Variants in NDUFAF5 observed in about 807,000 individuals in gnomAD.
The protein encoded by NDUFAF5 is NADH:ubiquinone oxidoreductase complex assembly factor 5, also known as arginine-hydroxylase NDUFAF5, mitochondrial.
A neutral mutation model predicts 48.9 loss-of-function variants in NDUFAF5; 34 were observed. The ratio of observed to expected loss-of-function variants is 0.70; its 90% CI spans 0.53 to 0.93. The LOEUF is 0.93. Ranked by LOEUF, NDUFAF5 falls within the 40% of genes least tolerant of loss-of-function variation. NDUFAF5 has a pLI of 0.00. For synonymous variants in NDUFAF5, 153 were observed against 150.6 expected (o/e 1.02, Z -0.12); for missense variants, 428 against 427.5 (o/e 1.00, Z -0.01).
At chr20:13,807,903 C>A (rs1001061586) in intron 7 of NDUFAF5, among the ~76,000 whole-genome samples, 1 of 151,644 alleles carries the variant, frequency 6.6e-6, no homozygotes, top group African/African-American at 2.4e-5. Context: ...GAGCAGAGAT[C>A]ACACCACTGC....
chr20:13,790,059 A>G (rs1456391558), intron 3 of NDUFAF5, among the ~76,000 whole-genome samples: 2 of 152,176 alleles, frequency 1.3e-5, no homozygotes, highest in Admixed American at 6.6e-5. Context: ...GCAGGAGGAA[A>G]GGCACAGAGG....
intron 6 of NDUFAF5, among the ~76,000 whole-genome samples, chr20:13,800,018 T>G (rs182680465): frequency 6.6e-6 from 1 of 152,250 alleles, no homozygotes; most frequent in East Asian, 1.9e-4. Context: ...GGAATTGATT[T>G]GATAAATAGA....
intron 3 of NDUFAF5, among the ~76,000 whole-genome samples, chr20:13,789,236 C>T (rs966942151): frequency 6.6e-6 from 1 of 152,018 alleles, no homozygotes; most frequent in African/African-American, 2.4e-5. Flanking sequence ...ACGATCTCGG[C>T]TCACTGCAAC....
intron 1 of NDUFAF5, among the ~76,000 whole-genome samples, chr20:13,786,597 C>G (rs1322485369): frequency 6.6e-6 from 1 of 152,170 alleles, no homozygotes; most frequent in Non-Finnish European, 1.5e-5. Flanking sequence ...TTGCCCTTCT[C>G]TCAAAAAGCA....
intron 4 of NDUFAF5, among the ~76,000 whole-genome samples, chr20:13,793,572 ATCT>A (rs1982691332): frequency 6.6e-6 from 1 of 152,112 alleles, no homozygotes; most frequent in African/African-American, 2.4e-5. Flanking sequence ...GTCATATATC[ATCT>A]TTTTAAATGG....
intron 7 of NDUFAF5, among the ~76,000 whole-genome samples, chr20:13,808,580 C>T (rs1450983992): frequency 6.6e-6 from 1 of 152,094 alleles, no homozygotes; most frequent in Non-Finnish European, 1.5e-5. Flanking sequence ...ACAGAATACT[C>T]TTATTCTGTG....
At chr20:13,799,048 G>A (rs1983702887) in intron 6 of NDUFAF5, among the ~76,000 whole-genome samples, 1 of 152,144 alleles carries the variant, frequency 6.6e-6, no homozygotes, top group African/African-American at 2.4e-5. Context: ...TTTGGATTGG[G>A]AAGGCATTCT....
intron 7 of NDUFAF5, among the ~76,000 whole-genome samples, chr20:13,804,006 G>A (rs1002941753): frequency 5.3e-5 from 8 of 152,020 alleles, no homozygotes; most frequent in Non-Finnish European, 7.4e-5. Context: ...GTCTGGTCTC[G>A]AACTCTTGAC....
At chr20:13,786,716 A>G (rs1454200637) in intron 1 of NDUFAF5, among the ~76,000 whole-genome samples, 1 of 152,182 alleles carries the variant, frequency 6.6e-6, no homozygotes, top group Non-Finnish European at 1.5e-5. Flanking sequence ...TATTGCTACC[A>G]GATGAAGCTA....
chr20:13,812,035 G>C (rs914970057), intron 8 of NDUFAF5, among the ~76,000 whole-genome samples: 1 of 152,160 alleles, frequency 6.6e-6, no homozygotes, highest in African/African-American at 2.4e-5. Context: ...CTTAAGTTAC[G>C]AGTGAGAATA....
Position 13,788,598 on chromosome 20 carries a change from C to T in NDUFAF5, c.273C>T (p.Pro91=), listed in dbSNP as rs757439081. The change falls in exon 3 of 11, where the codon CCC becomes CCT. Residue 91 remains proline (P), a synonymous_variant. Transcript: ENST00000378106. ...DRVYDIPRNF[P]LALDLGCGRG... ...GTGTCTTTTTTTTTAGAAATTTCCCCCTTGCTTTGGATCTTGGTTGTGGAA... is the reference window on the plus strand; with the variant it reads ...GTGTCTTTTTTTTTAGAAATTTCCCTCTTGCTTTGGATCTTGGTTGTGGAA... The T allele has an allele frequency of 6.2e-7, 1 of 1,611,184 alleles. No individual in the cohort carries two copies.
chr20:13,786,729 C>T (rs1371650569), intron 1 of NDUFAF5, among the ~76,000 whole-genome samples: 23 of 152,098 alleles, frequency 1.5e-4, no homozygotes, highest in Admixed American at 1.5e-3. Context: ...TGAAGCTAGG[C>T]CAGCAAAAGG....
intron 7 of NDUFAF5, among the ~76,000 whole-genome samples, chr20:13,806,780 C>A (rs574025838): frequency 9.9e-5 from 15 of 152,234 alleles, no homozygotes; most frequent in African/African-American, 3.6e-4. Context: ...GGTCTCACTA[C>A]CTAGAGGTCT....
chr20:13,806,490 T>C (rs1243775431), intron 7 of NDUFAF5, among the ~76,000 whole-genome samples: 2 of 151,914 alleles, frequency 1.3e-5, no homozygotes, highest in African/African-American at 4.8e-5. Flanking sequence ...GCCTGGGCGC[T>C]GGGTGGCAAA....
rs148292108 is a variant in NDUFAF5, at chr20:13,798,485, T to C, written c.504T>C (p.Pro168=). 1.9e-6 allele frequency: 3 copies of C among 1,611,774 alleles called. No individual in the cohort carries two copies. The East Asian group carries it at 6.7e-5, about 36-fold the overall frequency. The change falls in exon 6 of 11, where the codon CCT becomes CCC. Residue 168 remains proline, a synonymous_variant. Transcript: ENST00000378106. ...GTTTGCATTGGGTGAATGACCTTCC[T>C]AGAGCACTTGAGCAGGTAAGAAAAC... The part of the protein sequence containing the change: ...SLSLHWVNDL[P]RALEQIHYIL...
Position 13,818,483 on chromosome 20 carries a change from A to G in NDUFAF5, c.*1273A>G, listed in dbSNP as rs1051076130. The G allele has an allele frequency of 2.9e-6, 1 of 341,104 alleles. No homozygotes were observed. Among genetic ancestry groups the G allele is most frequent in the African/African-American group, 2.2e-5 (1 of 45,370 alleles). 21.1% of individuals were successfully genotyped at this position (341,104 alleles called of 1,614,324 possible). A position where few individuals can be genotyped will look rare whatever the true frequency, so the allele number is the denominator to read the frequency against. On this transcript the variant is annotated 3_prime_UTR_variant, in exon 11 of 11. Transcript: ENST00000378106. The stretch of plus-strand genomic sequence containing the variant: ...AGCTTAATTTTCAGAACTTGAAGAG[A>G]GAGAACAACAACAAAAAACAAACTG...
At chr20:13,816,567 C>T in intron 9 of NDUFAF5, 21 bp downstream of exon 9, 6 of 1,583,276 alleles carry the variant, frequency 3.8e-6, no homozygotes, top group Non-Finnish European at 5.2e-6. Flanking sequence ...ACCACTCTTT[C>T]ACCCGCCTCA....
Position 13,817,312 on chromosome 20 carries a change from T to C in NDUFAF5, c.*102T>C, listed in dbSNP as rs1041866098. 1.1e-6 allele frequency: 1 copy of C among 905,376 alleles called. No individual in the cohort carries two copies. Among genetic ancestry groups the C allele is most frequent in the Non-Finnish European group, 1.9e-6 (1 of 536,534 alleles). The allele number at this position is 905,376 out of a possible 1,614,324, so 56.1% of individuals were successfully genotyped here. A position where few individuals can be genotyped will look rare whatever the true frequency, so the allele number is the denominator to read the frequency against. On this transcript the variant is annotated 3_prime_UTR_variant, in exon 11 of 11. Transcript: ENST00000378106. ...TGAAGCAAGAAGCACTCTAAGCTAT[T>C]TACTAATAGGCTTTTCATATAATTA...
chr20:13,785,300 C>G lies in NDUFAF5; in HGVS notation c.222+10C>G, dbSNP rs1294193550. 1 of 967,200 alleles carries G rather than the reference C, an allele frequency of 1.0e-6. No homozygotes were observed. The highest frequency in any genetic ancestry group is 1.5e-6 in the Non-Finnish European group (1 of 667,610). 59.9% of individuals were successfully genotyped at this position (967,200 alleles called of 1,614,324 possible). ...CTACCTGAAGGAGGAGGTGAGCCCG[C>G]GGGGCGGCGGGGCGGCGGGGCGGGC... On this transcript the variant is annotated intron_variant, in intron 1 of 10. Transcript: ENST00000378106.
Sources: gnomAD v4.1 joint callset for allele counts (sites outside exome capture counted in the v4.1 genomes callset) on GRCh38, gnomAD v4.1.1 for gene constraint, MANE v1.5 for transcripts, NCBI Gene and HGNC (gene_info 2026-07-23, HGNC 2026-07-21) for gene names.